The following CNTN3 variants were observed in gnomAD, a reference collection of about 807,000 sequenced individuals.
CNTN3 encodes the protein contactin-3.
CNTN3 carries 60 observed loss-of-function variants against 119.1 expected under a neutral mutation model. The observed-to-expected ratio is 0.50, with a 90% CI of 0.41 to 0.62. CNTN3 has a LOEUF of 0.62. Among genes scored for constraint, CNTN3 ranks in the 20% least tolerant of loss-of-function variants. CNTN3 has a pLI of 0.00. For synonymous variants in CNTN3, 450 were observed against 438.7 expected, an observed-to-expected ratio of 1.03 and a Z score of -0.32; for missense variants, 1,101 against 1,242.4, an observed-to-expected ratio of 0.89 and a Z score of 1.71.
chr3:74,271,408 C>T (rs755405449), intron 20 of CNTN3, among the ~76,000 whole-genome samples: 4 of 152,088 alleles, frequency 2.6e-5, no homozygotes, highest in African/African-American at 9.7e-5. Context: ...TATTTTTTCT[C>T]TATAGACTTT....
At chr3:74,536,359 G>T (rs1319892869) in intron 1 of CNTN3, among the ~76,000 whole-genome samples, 1 of 152,068 alleles carries the variant, frequency 6.6e-6, no homozygotes, top group African/African-American at 2.4e-5. Flanking sequence ...TATTAGGAAG[G>T]TATTTGTAAC....
intron 1 of CNTN3, among the ~76,000 whole-genome samples, chr3:74,548,810 G>T (rs1284160975): frequency 6.6e-6 from 1 of 152,016 alleles, no homozygotes; most frequent in Non-Finnish European, 1.5e-5. Context: ...ATACAATATT[G>T]GCTTTTACAT....
rs1200095792 is a variant in CNTN3, at chr3:74,489,463, CCTTCCTCT to C, written c.183-2840_183-2833del. 3.7e-5 allele frequency among the ~76,000 whole-genome samples: 5 copies of C among 135,366 alleles called. No individual in the cohort carries two copies. The South Asian group carries it at 1.2e-3, about 33-fold the overall frequency. 88.8% of individuals were successfully genotyped at this position (135,366 alleles called of 152,430 possible). A position where few individuals can be genotyped will look rare whatever the true frequency, so the allele number is the denominator to read the frequency against. On this transcript the variant is annotated intron_variant, in intron 3 of 22. Transcript: ENST00000263665. ...TCTTCCTTCCCTTCCTCCCTTCCTC[CCTTCCTCT>C]CTCCCTCCCTTCTTCCCAATCAGTA...
intron 5 of CNTN3, among the ~76,000 whole-genome samples, chr3:74,376,955 A>G (rs371584822): frequency 2.1e-5 from 3 of 140,794 alleles, no homozygotes; most frequent in African/African-American, 7.8e-5. Flanking sequence ...AAAAAAAAAA[A>G]TTAAAGAAAG....
In CNTN3 at chr3:74,387,775, A is replaced by G. The variant is rs117895858; in HGVS notation, c.455-16376T>C. ...GACTTTAAAATCAGAACAGCTGTTC[A>G]TTAAATGCTCATCCCCATGCCATTG... On this transcript the variant is annotated intron_variant, in intron 5 of 22. Coordinates refer to ENST00000263665, the MANE Select transcript of CNTN3 (RefSeq NM_020872.3). Among the ~76,000 whole-genome samples, 383 of 152,360 alleles carry G rather than the reference A, an allele frequency of 2.5e-3. 16 individuals are homozygous for G. The East Asian group carries it at 0.066, about 26-fold the overall frequency.
intron 1 of CNTN3, among the ~76,000 whole-genome samples, chr3:74,580,827 T>C (rs9833292): frequency 0.27 from 41,769 of 152,110 alleles, 6,887 homozygotes; most frequent in Non-Finnish European, 0.38. Flanking sequence ...CAAGTGACCC[T>C]CCCACCTCAG....
At chr3:74,519,744 A>G (rs1703510767) in intron 2 of CNTN3, among the ~76,000 whole-genome samples, 1 of 151,680 alleles carries the variant, frequency 6.6e-6, no homozygotes, top group African/African-American at 2.4e-5. Flanking sequence ...AGCCCATTTG[A>G]AAGTCAGAAA....
At chr3:74,463,525 T>C (rs1702409008) in intron 4 of CNTN3, among the ~76,000 whole-genome samples, 1 of 152,114 alleles carries the variant, frequency 6.6e-6, no homozygotes, top group Non-Finnish European at 1.5e-5. Context: ...TATGAGGAAC[T>C]AATTGGTTTT....
At chr3:74,454,239 T>C (rs1452319807) in intron 4 of CNTN3, among the ~76,000 whole-genome samples, 1 of 133,780 alleles carries the variant, frequency 7.5e-6, no homozygotes, top group Admixed American at 7.8e-5. Context: ...CTCTTCTTGT[T>C]GAATTGATCC....
At chr3:74,595,441 T>C (rs1394911162) in intron 1 of CNTN3, among the ~76,000 whole-genome samples, 1 of 152,112 alleles carries the variant, frequency 6.6e-6, no homozygotes, top group Non-Finnish European at 1.5e-5. Flanking sequence ...AACATTTAAG[T>C]CTTTAATCCA....
chr3:74,440,513 T>G (rs541888164), intron 4 of CNTN3, among the ~76,000 whole-genome samples: 1 of 151,022 alleles, frequency 6.6e-6, no homozygotes, highest in East Asian at 2.0e-4. Context: ...CCATAAAATA[T>G]AACTGTGGAA....
intron 1 of CNTN3, among the ~76,000 whole-genome samples, chr3:74,604,721 C>A (rs1308199548): frequency 6.6e-6 from 1 of 151,938 alleles, no homozygotes. Context: ...ATTACTGTAA[C>A]CATTATAGAA....
intron 11 of CNTN3, among the ~76,000 whole-genome samples, chr3:74,339,427 A>G (rs1156922593): frequency 6.6e-6 from 1 of 152,104 alleles, no homozygotes; most frequent in East Asian, 1.9e-4. Flanking sequence ...GGCCTTTATA[A>G]AAACTATTTC....
chr3:74,558,568 T>C (rs1704104761), intron 1 of CNTN3, among the ~76,000 whole-genome samples: 1 of 152,156 alleles, frequency 6.6e-6, no homozygotes, highest in African/African-American at 2.4e-5. Context: ...GTCTGCATAG[T>C]CTTTGGTGTA....
intron 1 of CNTN3, among the ~76,000 whole-genome samples, chr3:74,583,249 A>T (rs901639171): frequency 6.6e-6 from 1 of 152,178 alleles, no homozygotes; most frequent in Non-Finnish European, 1.5e-5. Context: ...TGCCAAATAA[A>T]GAAACACACA....
intron 11 of CNTN3, among the ~76,000 whole-genome samples, chr3:74,353,518 A>G (rs1357842594): frequency 6.6e-6 from 1 of 152,204 alleles, no homozygotes; most frequent in Non-Finnish European, 1.5e-5. Context: ...GCACTTTGGG[A>G]GGCCGAGACG....
chr3:74,374,247 C>T lies in CNTN3; in HGVS notation c.455-2848G>A, dbSNP rs1052154928. On this transcript the variant is annotated intron_variant, in intron 5 of 22. Coordinates refer to ENST00000263665, the MANE Select transcript of CNTN3 (RefSeq NM_020872.3). ...ATGGGACCTGACTCGCAGTCTGAGG[C>T]TCTCTGCCCATTTCTGCTCCTTCAC... 4.6e-5 allele frequency among the ~76,000 whole-genome samples: 7 copies of T among 152,080 alleles called. No homozygotes were observed. The East Asian group carries it at 1.4e-3, about 29-fold the overall frequency.
intron 5 of CNTN3, among the ~76,000 whole-genome samples, chr3:74,374,741 A>G (rs1704434725): frequency 1.3e-5 from 2 of 152,206 alleles, no homozygotes; most frequent in African/African-American, 4.8e-5. Flanking sequence ...ATTGCTGTCC[A>G]GCCCTAAACC....
intron 1 of CNTN3, among the ~76,000 whole-genome samples, chr3:74,543,344 C>T (rs1416403545): frequency 1.3e-5 from 2 of 152,140 alleles, no homozygotes; most frequent in African/African-American, 4.8e-5. Context: ...CTTCTGAGAA[C>T]ATCTCAGGAG....
Sources: allele counts gnomAD v4.1 joint callset (sites outside exome capture counted in the v4.1 genomes callset), GRCh38; gene constraint gnomAD v4.1.1; transcripts MANE v1.5; gene names NCBI Gene and HGNC (gene_info 2026-07-23, HGNC 2026-07-21).